Variants in EML4 observed in about 807,000 individuals in gnomAD.
The protein encoded by EML4 is EMAP like 4.
EML4 carries 72 observed loss-of-function variants against 129.0 expected under a neutral mutation model. The ratio of observed to expected loss-of-function variants is 0.56; its 90% CI spans 0.46 to 0.68. The LOEUF is 0.68. Among genes scored for constraint, EML4 ranks in the 30% least tolerant of loss-of-function variants. EML4 has a pLI of 0.00. For synonymous variants in EML4, 532 were observed against 405.0 expected (o/e 1.31, Z -3.77); for missense variants, 1,363 against 1,190.6 (o/e 1.14, Z -2.13).
chr2:42,277,911 C>G (rs764323850), intron 6 of EML4, among the ~76,000 whole-genome samples: 1 of 152,172 alleles, frequency 6.6e-6, no homozygotes, highest in Non-Finnish European at 1.5e-5. Context: ...TGCAGACATT[C>G]AAGAAGTAAT....
At chr2:42,235,844 A>C (rs1370673404) in intron 1 of EML4, among the ~76,000 whole-genome samples, 1 of 152,114 alleles carries the variant, frequency 6.6e-6, no homozygotes, top group East Asian at 1.9e-4. Context: ...TTAGAAATAC[A>C]ACTTCATTTT....
chr2:42,174,289 A>G (rs746273937), intron 1 of EML4, among the ~76,000 whole-genome samples: 1 of 152,032 alleles, frequency 6.6e-6, no homozygotes, highest in African/African-American at 2.4e-5. Flanking sequence ...TCTATAGTAT[A>G]TTTCTTTGTG....
At chr2:42,226,937 T>C (rs1188564918) in intron 1 of EML4, among the ~76,000 whole-genome samples, 1 of 152,132 alleles carries the variant, frequency 6.6e-6, no homozygotes, top group Non-Finnish European at 1.5e-5. Context: ...TCTAGAAATA[T>C]ATATATAAAT....
At chr2:42,307,937 G>A (rs1188546622) in intron 17 of EML4, among the ~76,000 whole-genome samples, 1 of 152,228 alleles carries the variant, frequency 6.6e-6, no homozygotes, top group African/African-American at 2.4e-5. Context: ...TTACAGGCGT[G>A]AGCCACCACG....
At chr2:42,325,177 T>C (rs1326619137) in intron 19 of EML4, 2 of 534,366 alleles carry the variant, frequency 3.7e-6, no homozygotes, top group South Asian at 1.4e-5. Context: ...GTGTGGTATG[T>C]GTTGCAATGT....
At chr2:42,205,872 A>G (rs1459888809) in intron 1 of EML4, among the ~76,000 whole-genome samples, 1 of 152,062 alleles carries the variant, frequency 6.6e-6, no homozygotes, top group African/African-American at 2.4e-5. Flanking sequence ...TTACTCAGTC[A>G]TTTATCCACA....
chr2:42,323,427 A>C lies in EML4; in HGVS notation c.2155-2040A>C, dbSNP rs549502165. 2.0e-5 allele frequency among the ~76,000 whole-genome samples: 3 copies of C among 152,292 alleles called. No individual in the cohort carries two copies. In the East Asian group the frequency reaches 5.8e-4, roughly 29 times the overall value. On this transcript the variant is annotated intron_variant, in intron 19 of 22. Coordinates refer to ENST00000318522, the MANE Select transcript of EML4 (RefSeq NM_019063.5). ...GTTTTCCAATATACCGCTTAATTCT[A>C]GTGATTTCAGAAAGCTTCACTTCTC...
chr2:42,177,149 G>T (rs1670653368), intron 1 of EML4, among the ~76,000 whole-genome samples: 1 of 152,086 alleles, frequency 6.6e-6, no homozygotes, highest in Admixed American at 6.5e-5. Context: ...ACTCTCATGT[G>T]TCTTTGAAGT....
intron 1 of EML4, among the ~76,000 whole-genome samples, chr2:42,188,059 C>G (rs1248350251): frequency 2.0e-5 from 3 of 152,016 alleles, no homozygotes; most frequent in African/African-American, 7.3e-5. Flanking sequence ...GATTTTTGTT[C>G]CAGCACAATT....
At chr2:42,310,953 A>G (rs1158917155) in intron 17 of EML4, among the ~76,000 whole-genome samples, 2 of 152,344 alleles carry the variant, frequency 1.3e-5, no homozygotes, top group Admixed American at 1.3e-4. Context: ...TATATCTTTA[A>G]TAACAAACAT....
At chr2:42,251,168 G>T (rs983776448) in intron 2 of EML4, among the ~76,000 whole-genome samples, 1 of 152,202 alleles carries the variant, frequency 6.6e-6, no homozygotes, top group Non-Finnish European at 1.5e-5. Context: ...TGTGGCCCAG[G>T]GGTTGGGGAC....
intron 1 of EML4, among the ~76,000 whole-genome samples, chr2:42,175,953 G>A (rs1414460476): frequency 2.0e-5 from 3 of 151,390 alleles, no homozygotes; most frequent in African/African-American, 7.3e-5. Context: ...AAATCATACT[G>A]CAGACATAAT....
At chr2:42,277,769 G>A (rs189656566) in intron 6 of EML4, among the ~76,000 whole-genome samples, 17 of 152,066 alleles carry the variant, frequency 1.1e-4, no homozygotes, top group African/African-American at 3.1e-4. Context: ...GGGTTTCACC[G>A]TGTTGGCCAG....
At chr2:42,269,388 T>C (rs1270878243) in intron 6 of EML4, among the ~76,000 whole-genome samples, 2 of 152,226 alleles carry the variant, frequency 1.3e-5, no homozygotes, top group African/African-American at 4.8e-5. Context: ...ATTTTATACA[T>C]TCATTCATTC....
chr2:42,265,089 T>A, intron 6 of EML4: 2 of 832,956 alleles, frequency 2.4e-6, no homozygotes, highest in Non-Finnish European at 3.8e-6. Flanking sequence ...TGAATCCAGC[T>A]ACATTTTACT....
At position 42,329,982 on chromosome 2, in the gene EML4, TGAGACAGCTGAA is replaced by T. The variant is rs746390881; in HGVS notation, c.2725_2736del (p.Thr909_Glu912del). On this transcript the variant is annotated inframe_deletion, in exon 23 of 23. Transcript: ENST00000318522. ...CACCGCCTCCTTCTCAGCCCTTAAATGAGACAGCTGAAGAGGAAAGTAGAATAAGCAGTTCTC... is the reference window on the plus strand; with the variant it reads ...CACCGCCTCCTTCTCAGCCCTTAAATGAGGAAAGTAGAATAAGCAGTTCTC... 11 of 1,613,842 alleles carry T rather than the reference TGAGACAGCTGAA, an allele frequency of 6.8e-6. No individual in the cohort carries two copies. The highest frequency in any genetic ancestry group is 9.3e-6 in the Non-Finnish European group (11 of 1,179,986).
intron 1 of EML4, among the ~76,000 whole-genome samples, chr2:42,205,443 C>T (rs963603166): frequency 6.6e-6 from 1 of 151,668 alleles, no homozygotes; most frequent in Non-Finnish European, 1.5e-5. Flanking sequence ...TCAGCTTGCC[C>T]AATAATAATA....
chr2:42,302,044 A>G (rs1248146754), intron 14 of EML4, among the ~76,000 whole-genome samples: 2 of 152,060 alleles, frequency 1.3e-5, no homozygotes, highest in Non-Finnish European at 2.9e-5. Context: ...TAATTCCATT[A>G]TTTCAGAATC....
chr2:42,275,396 A>G (rs4145345), intron 6 of EML4, among the ~76,000 whole-genome samples: 34,731 of 152,098 alleles, frequency 0.23, 4,792 homozygotes, highest in East Asian at 0.56. Context: ...TAGAGTGGAA[A>G]TGTTTCCCGA....
Sources: allele counts gnomAD v4.1 joint callset (sites outside exome capture counted in the v4.1 genomes callset), GRCh38; gene constraint gnomAD v4.1.1; transcripts MANE v1.5; gene names NCBI Gene and HGNC (gene_info 2026-07-23, HGNC 2026-07-21).